Variants in PCDHGB4 observed in about 807,000 individuals in gnomAD.
PCDHGB4 encodes the protein protocadherin gamma subfamily B, 4, also known as protocadherin gamma-B4.
A neutral mutation model predicts 60.5 loss-of-function variants in PCDHGB4; 38 were observed. That is an observed-to-expected ratio of 0.63 (90% confidence interval 0.48 to 0.82). The LOEUF (loss-of-function observed/expected upper bound fraction) is 0.82, where lower values mean the gene tolerates loss of function less well. Ranked by LOEUF, PCDHGB4 falls within the 40% of genes least tolerant of loss-of-function variation. PCDHGB4 has a pLI of 0.00. For missense variants in PCDHGB4, 1,109 were observed against 1,209.6 expected (o/e 0.92, Z 1.23); for synonymous variants, 456 against 509.7 (o/e 0.89, Z 1.42).
intron 1 of PCDHGB4, chr5:141,418,211 C>T (rs752988020): frequency 1.2e-6 from 2 of 1,613,916 alleles, no homozygotes; most frequent in East Asian, 4.5e-5. Context: ...AAATATTTTT[C>T]ATGTCATTGT....
chr5:141,433,329 G>A, intron 1 of PCDHGB4: 1 of 702,998 alleles, frequency 1.4e-6, no homozygotes, highest in Non-Finnish European at 2.4e-6. Context: ...GTGTAACAGG[G>A]ACTACAGGTG....
chr5:141,414,289 C>T (rs1435700383), intron 1 of PCDHGB4: 1 of 1,613,394 alleles, frequency 6.2e-7, no homozygotes, highest in African/African-American at 1.3e-5. Flanking sequence ...AGTCGTAGCC[C>T]TTTTAAATGT....
At chr5:141,459,814 T>A (rs757306281) in intron 1 of PCDHGB4, among the ~76,000 whole-genome samples, 2 of 152,256 alleles carry the variant, frequency 1.3e-5, no homozygotes, top group African/African-American at 4.8e-5. Context: ...CTAGAGACAC[T>A]GAGCAACTTT....
chr5:141,410,167 T>A (rs372848702), intron 1 of PCDHGB4: 1 of 1,613,770 alleles, frequency 6.2e-7, no homozygotes, highest in South Asian at 1.1e-5. Flanking sequence ...CGCCACTCTC[T>A]GCCACCGCCA....
intron 1 of PCDHGB4, among the ~76,000 whole-genome samples, chr5:141,462,399 T>C (rs2099038838): frequency 6.6e-6 from 1 of 152,236 alleles, no homozygotes; most frequent in South Asian, 2.1e-4. Flanking sequence ...ATTTCTTTTA[T>C]GGCACAGAAT....
intron 1 of PCDHGB4, chr5:141,414,562 A>G (rs770740530): frequency 3.1e-6 from 5 of 1,613,924 alleles, no homozygotes; most frequent in Non-Finnish European, 4.2e-6. Context: ...CTCCTACTTT[A>G]CCTATATCCC....
intron 1 of PCDHGB4, chr5:141,421,202 C>A: frequency 1.3e-6 from 2 of 1,519,344 alleles, no homozygotes; most frequent in Non-Finnish European, 1.8e-6. Flanking sequence ...CTCGAGAAAC[C>A]GCGGAATATC....
chr5:141,452,015 C>T (rs2098730990), intron 1 of PCDHGB4, among the ~76,000 whole-genome samples: 1 of 152,306 alleles, frequency 6.6e-6, no homozygotes, highest in African/African-American at 2.4e-5. Context: ...GTCCAGCCCA[C>T]ACTCTGGGGA....
Position 141,491,733 on chromosome 5 carries a change from TG to T in PCDHGB4, c.2398-3069del. 6.2e-7 allele frequency: 1 copy of T among 1,602,698 alleles called. No individual in the cohort carries two copies. Among genetic ancestry groups the T allele is most frequent in the Non-Finnish European group, 8.5e-7 (1 of 1,175,258 alleles). On this transcript the variant is annotated intron_variant, in intron 1 of 3. Coordinates refer to ENST00000519479, the MANE Select transcript of PCDHGB4 (RefSeq NM_003736.4). This position sits in a 1 kb window ranked among gnomAD's most constrained non-coding sequence, Gnocchi z 6.9. ...GCTCGGCGCCGCCCCGGGCGACCCC[TG>T]GGGGCGGCACTGGAGAAGCCGCCCG...
intron 1 of PCDHGB4, chr5:141,392,059 C>G (rs2092458843): frequency 6.6e-6 from 1 of 152,098 alleles, no homozygotes; most frequent in Non-Finnish European, 1.5e-5. Flanking sequence ...AAAATATTAT[C>G]GACATGTAAT....
Position 141,485,152 on chromosome 5 carries a change from A to C in PCDHGB4, c.2398-9655A>C. ...CTTCATCCGCGTCTCAGGAGCAAGT[A>C]GAGAATTAGCGGGCGGCAGCAATGC... On this transcript the variant is annotated intron_variant, in intron 1 of 3. Coordinates refer to ENST00000519479, the MANE Select transcript of PCDHGB4 (RefSeq NM_003736.4). The surrounding 1 kb of genome is among the most constrained non-coding windows in gnomAD (Gnocchi z 5.7). 8.8e-6 allele frequency: 14 copies of C among 1,586,038 alleles called. No individual in the cohort carries two copies. The highest frequency in any genetic ancestry group is 1.0e-5 in the Non-Finnish European group (12 of 1,157,128).
rs1040028231 is a variant in PCDHGB4, at chr5:141,485,542, C to T, written c.2398-9265C>T. 6.8e-6 allele frequency: 11 copies of T among 1,613,900 alleles called. No individual in the cohort carries two copies. Among genetic ancestry groups the T allele is most frequent in the Admixed American group, 6.7e-5 (4 of 59,996 alleles). On this transcript the variant is annotated intron_variant, in intron 1 of 3. Coordinates refer to ENST00000519479, the MANE Select transcript of PCDHGB4 (RefSeq NM_003736.4). The surrounding 1 kb of genome is among the most constrained non-coding windows in gnomAD (Gnocchi z 5.7). ...AAATGTACCGAGCAGAGGTAGAGAT[C>T]GTAGATGTGAATGATCACGCCCCCC...
rs1185020546 is a variant in PCDHGB4, at chr5:141,485,472, C to A, written c.2398-9335C>A. 3 of 1,614,138 alleles carry A rather than the reference C, an allele frequency of 1.9e-6. No homozygotes were observed. Among genetic ancestry groups the A allele is most frequent in the Non-Finnish European group, 2.5e-6 (3 of 1,180,022 alleles). On this transcript the variant is annotated intron_variant, in intron 1 of 3. Transcript: ENST00000519479. The surrounding 1 kb of genome is among the most constrained non-coding windows in gnomAD (Gnocchi z 5.7). The stretch of plus-strand genomic sequence containing the variant: ...CGAGAGGCACTGTGTGGGCTCAGTG[C>A]CAGCTGCATCGTGCCCCTGGAGTTT...
chr5:141,478,418 C>T, intron 1 of PCDHGB4: 1 of 1,613,650 alleles, frequency 6.2e-7, no homozygotes, highest in Non-Finnish European at 8.5e-7. Context: ...GGACTCCCGC[C>T]GCAGCGACCC....
At chr5:141,426,882 C>A (rs528411309) in intron 1 of PCDHGB4, 1 of 456,664 alleles carries the variant, frequency 2.2e-6, no homozygotes, top group African/African-American at 2.0e-5. Context: ...GCCCCTGGGC[C>A]AGGAGCAACA....
chr5:141,408,878 G>A lies in PCDHGB4; in HGVS notation c.2397+18597G>A. The stretch of plus-strand genomic sequence containing the variant: ...AGGGGACCCACCAAGAAGTGCCACC[G>A]CTCACATAGAAATTTCTGTCAAGGA... On this transcript the variant is annotated intron_variant, in intron 1 of 3. Coordinates refer to ENST00000519479, the MANE Select transcript of PCDHGB4 (RefSeq NM_003736.4). 1.9e-6 allele frequency: 3 copies of A among 1,613,048 alleles called. No homozygotes were observed. Among genetic ancestry groups the A allele is most frequent in the Non-Finnish European group, 1.7e-6 (2 of 1,179,590 alleles).
rs1252361961 is a variant in PCDHGB4 at position 141,486,106 on chromosome 5, G to A, written c.2398-8701G>A. The A allele has an allele frequency of 2.5e-6, 4 of 1,614,190 alleles. No individual in the cohort carries two copies. The highest frequency in any genetic ancestry group is 1.1e-5 in the South Asian group (1 of 91,086). Reference sequence around the variant, plus strand: ...CTCTTTTGGGGCCCCTAGACTTTGAGAGTGAGAATTACTATGAATTTGATG... The same window carrying A: ...CTCTTTTGGGGCCCCTAGACTTTGAAAGTGAGAATTACTATGAATTTGATG... On this transcript the variant is annotated intron_variant, in intron 1 of 3. Transcript: ENST00000519479. The surrounding 1 kb of genome is among the most constrained non-coding windows in gnomAD (Gnocchi z 5.0).
rs774079222 is a variant in PCDHGB4, at chr5:141,491,314, C to G, written c.2398-3493C>G. On this transcript the variant is annotated intron_variant, in intron 1 of 3. Transcript: ENST00000519479. The surrounding 1 kb of genome is among the most constrained non-coding windows in gnomAD (Gnocchi z 6.9). ...CCCTCCTGAGCGTTCAGACCTTACC[C>G]TTTACCTCATTGTGGCTCTAGCGAC... is the stretch of plus-strand genomic sequence containing the variant. 6 of 1,614,064 alleles carry G rather than the reference C, an allele frequency of 3.7e-6. No individual in the cohort carries two copies. In the South Asian group the frequency reaches 5.5e-5, roughly 15 times the overall value.
chr5:141,418,477 C>G (rs2154547707), intron 1 of PCDHGB4: 1 of 1,614,016 alleles, frequency 6.2e-7, no homozygotes, highest in Non-Finnish European at 8.5e-7. Context: ...AAACGCAGAG[C>G]GCTCACCACT....
Sources: allele counts gnomAD v4.1 joint callset (sites outside exome capture counted in the v4.1 genomes callset), GRCh38; gene constraint gnomAD v4.1.1; non-coding constraint Gnocchi (gnomAD v3.1); transcripts MANE v1.5; gene names NCBI Gene and HGNC (gene_info 2026-07-23, HGNC 2026-07-21).